Variants in ZNF749 observed in about 807,000 individuals in gnomAD.
The protein encoded by ZNF749 is zinc finger protein 749.
A neutral mutation model predicts 7.3 loss-of-function variants in ZNF749; 8 were observed. That is an observed-to-expected ratio of 1.10 (90% confidence interval 0.64 to 1.98). The LOEUF is 1.98. Ranked by LOEUF, ZNF749 falls within the 30% of genes most tolerant of loss-of-function variation. The pLI is 0.00. For missense variants in ZNF749, 898 were observed against 932.4 expected (o/e 0.96, Z 0.48); for synonymous variants, 310 against 322.4 (o/e 0.96, Z 0.41).
chr19:57,444,838 G>A lies in ZNF749; in HGVS notation c.1690G>A (p.Ala564Thr). 6.2e-7 allele frequency: 1 copy of A among 1,614,064 alleles called. No individual in the cohort carries two copies. Residue 564 changes from alanine to threonine, a missense_variant, in exon 3 of 3, where the codon GCC becomes ACC. Ala to Thr is a moderately conservative substitution (Grantham distance 58). Coordinates refer to ENST00000334181, the MANE Select transcript of ZNF749 (RefSeq NM_001023561.4). ...TTATGTGTGTAGTGAATGTGGGAAG[G>A]CCTTCCTTACACAGGCTCATCTAGA... Reference protein sequence around the residue: ...RPYVCSECGKAFLTQAHLDGH... With the variant: ...RPYVCSECGKTFLTQAHLDGH...
At chr19:57,438,712 A>T (rs1245635499) in intron 1 of ZNF749, among the ~76,000 whole-genome samples, 1 of 152,086 alleles carries the variant, frequency 6.6e-6, no homozygotes, top group Non-Finnish European at 1.5e-5. Context: ...AGGCATCCTG[A>T]TATAGGGAAA....
At chr19:57,443,250 C>T (rs112290305) in intron 2 of ZNF749, 41 bp from the exon 3 acceptor site, 20 of 1,529,708 alleles carry the variant, frequency 1.3e-5, no homozygotes, top group African/African-American at 4.1e-5. Context: ...CTCCTCCCTC[C>T]GGAGTTCACG....
At chr19:57,443,190 C>A in intron 2 of ZNF749, 101 bp from the exon 3 acceptor site, 1 of 1,024,548 alleles carries the variant, frequency 9.8e-7, no homozygotes. Context: ...GTGACCAGTC[C>A]TGTGCCCTCA....
Position 57,444,938 on chromosome 19 carries a change from A to G in ZNF749, c.1790A>G (p.Tyr597Cys). The change falls in exon 3 of 3, where the codon TAC becomes TGC. Residue 597 changes from tyrosine (Y) to cysteine (C), a missense_variant. Tyr to Cys is a radical substitution (Grantham distance 194, BLOSUM62 -2). Transcript: ENST00000334181. ...TGTGGGAAATTCTTTTTGGACAGCT[A>G]CAAACTTGTTATTCATCAGAGAATT... ...NECGKFFLDS[Y>C]KLVIHQRIHT... The G allele has an allele frequency of 6.2e-7, 1 of 1,613,688 alleles. No individual in the cohort carries two copies. Among genetic ancestry groups the G allele is most frequent in the Non-Finnish European group, 8.5e-7 (1 of 1,179,912 alleles).
rs909147939 is a variant in ZNF749 at position 57,436,708 on chromosome 19, C to T, written c.15+1115C>T. Reference sequence around the variant, plus strand: ...CATCCTCCACCACAGTTAAGGGCCTCCAGCAAGCTCCCTTTACTGCATTAT... The same window carrying T: ...CATCCTCCACCACAGTTAAGGGCCTTCAGCAAGCTCCCTTTACTGCATTAT... On this transcript the variant is annotated intron_variant, in intron 1 of 2. Transcript: ENST00000334181. This position sits in a 1 kb window ranked among gnomAD's most constrained non-coding sequence, Gnocchi z 4.0. Among the ~76,000 whole-genome samples, 2 of 152,194 alleles carry T rather than the reference C, an allele frequency of 1.3e-5. No individual in the cohort carries two copies. The highest frequency in any genetic ancestry group is 2.9e-5 in the Non-Finnish European group (2 of 68,034).
Position 57,439,497 on chromosome 19 carries a change from G to A in ZNF749, c.16-2388G>A, listed in dbSNP as rs2088967241. On this transcript the variant is annotated intron_variant, in intron 1 of 2. Transcript: ENST00000334181. This position sits in a 1 kb window ranked among gnomAD's most constrained non-coding sequence, Gnocchi z 4.3. ...AAGTCAAAAATGTTCCAGTGGCCAG[G>A]CATGGTGGATCACACCTGTAATCCC... 6.6e-6 allele frequency among the ~76,000 whole-genome samples: 1 copy of A among 152,164 alleles called. No individual in the cohort carries two copies. Among genetic ancestry groups the A allele is most frequent in the Non-Finnish European group, 1.5e-5 (1 of 68,038 alleles).
chr19:57,434,561 A>G (rs767284486), upstream of ZNF749, among the ~76,000 whole-genome samples: 48 of 151,890 alleles, frequency 3.2e-4, no homozygotes, highest in Non-Finnish European at 6.6e-4. Flanking sequence ...TACATTTTAC[A>G]TGTATTGATT....
rs1008208253 is a variant in ZNF749, at chr19:57,439,967, C to T, written c.16-1918C>T. On this transcript the variant is annotated intron_variant, in intron 1 of 2. Transcript: ENST00000334181. This position sits in a 1 kb window ranked among gnomAD's most constrained non-coding sequence, Gnocchi z 4.3. ...GTTAGTAGGAAGGAAGGAGAAGGAA[C>T]AGACTGAGGACTGGGTGTCTCCACT... Among the ~76,000 whole-genome samples, 1 of 152,066 alleles carries T rather than the reference C, an allele frequency of 6.6e-6. No individual in the cohort carries two copies. Among genetic ancestry groups the T allele is most frequent in the East Asian group, 1.9e-4 (1 of 5,172 alleles).
chr19:57,434,236 T>C (rs528778430), upstream of ZNF749, among the ~76,000 whole-genome samples: 10 of 152,334 alleles, frequency 6.6e-5, no homozygotes, highest in East Asian at 1.7e-3. Flanking sequence ...TAGCTGGCAT[T>C]ACAGGCATGT....
In ZNF749 at chr19:57,442,022, C is replaced by A. The variant is rs1328722963; in HGVS notation, c.142+11C>A. On this transcript the variant is annotated intron_variant, in intron 2 of 2. Coordinates refer to ENST00000334181, the MANE Select transcript of ZNF749 (RefSeq NM_001023561.4). The surrounding 1 kb of genome is among the most constrained non-coding windows in gnomAD (Gnocchi z 6.6). Reference sequence around the variant, plus strand: ...TTTTGTCATCAGTAGGTAAGGCCTTCATACCTACTCTGGTGTCTTGTGCTG... The same window carrying A: ...TTTTGTCATCAGTAGGTAAGGCCTTAATACCTACTCTGGTGTCTTGTGCTG... 6 of 1,613,030 alleles carry A rather than the reference C, an allele frequency of 3.7e-6. No individual in the cohort carries two copies. Among genetic ancestry groups the A allele is most frequent in the Non-Finnish European group, 5.1e-6 (6 of 1,179,542 alleles).
Position 57,444,710 on chromosome 19 carries a change from T to C in ZNF749, c.1562T>C (p.Val521Ala). Residue 521 changes from valine to alanine, a missense_variant, in exon 3 of 3, where the codon GTT (valine) becomes GCT (alanine). Val to Ala is a moderately conservative substitution (Grantham distance 64, BLOSUM62 0). Transcript: ENST00000334181. ...YECTQCAKAFVRKSHLVQHEK... is the reference protein window; with the variant it reads ...YECTQCAKAFARKSHLVQHEK... ...TGCACTCAATGTGCGAAGGCCTTTGTTAGAAAGTCCCACCTAGTTCAGCAT... is the reference window on the plus strand; with the variant it reads ...TGCACTCAATGTGCGAAGGCCTTTGCTAGAAAGTCCCACCTAGTTCAGCAT... 1 of 1,613,428 alleles carries C rather than the reference T, an allele frequency of 6.2e-7. No homozygotes were observed. Among genetic ancestry groups the C allele is most frequent in the South Asian group, 1.1e-5 (1 of 91,056 alleles).
Position 57,444,196 on chromosome 19 carries a change from G to T in ZNF749, c.1048G>T (p.Gly350Trp), listed in dbSNP as rs145614824. 10 of 1,614,026 alleles carry T rather than the reference G, an allele frequency of 6.2e-6. No homozygotes were observed. Among genetic ancestry groups the T allele is most frequent in the Non-Finnish European group, 8.5e-6 (10 of 1,180,044 alleles). Residue 350 changes from glycine to tryptophan, a missense_variant, in exon 3 of 3, where the codon GGG (glycine) becomes TGG (tryptophan). Coordinates refer to ENST00000334181, the MANE Select transcript of ZNF749 (RefSeq NM_001023561.4). ...CATCAGACATCAGAAAGTTCACACT[G>T]GGGAGAGGCGTTACGAGTGCAGTGA... ...KLIRHQKVHTGERRYECSECG... is the reference protein window; with the variant it reads ...KLIRHQKVHTWERRYECSECG...
rs1394869188 is a variant in ZNF749 at position 57,444,028 on chromosome 19, A to G, written c.880A>G (p.Arg294Gly). 1 of 1,613,878 alleles carries G rather than the reference A, an allele frequency of 6.2e-7. No homozygotes were observed. Among genetic ancestry groups the G allele is most frequent in the African/African-American group, 1.3e-5 (1 of 74,924 alleles). The change falls in exon 3 of 3, where the codon AGA (arginine) becomes GGA (glycine). Residue 294 changes from arginine (R) to glycine (G), a missense_variant. Arg to Gly is a moderately radical substitution (Grantham distance 125). Transcript: ENST00000334181. ...DPIEHQEILS[R>G]PTPYECTQCG... ...CATTGAACATCAGGAGATTCTCAGT[A>G]GACCAACACCTTATGAATGCACCCA... is the stretch of plus-strand genomic sequence containing the variant.
chr19:57,431,230 C>A (rs8104697), upstream of ZNF749, among the ~76,000 whole-genome samples: 141,370 of 152,136 alleles, frequency 0.93, 65,704 homozygotes, highest in Middle Eastern at 0.98. Flanking sequence ...TGTACAAATA[C>A]GATTCATTCC....
chr19:57,429,225 C>T, the ZNF749 span, among the ~76,000 whole-genome samples: 1 of 152,072 alleles, frequency 6.6e-6, no homozygotes, highest in Non-Finnish European at 1.5e-5. The surrounding 1 kb of genome is among the most constrained non-coding windows in gnomAD (Gnocchi z 4.2). Flanking sequence ...GGGGTTTTGC[C>T]ATATTGGCCG....
Position 57,439,030 on chromosome 19 carries a change from G to T in ZNF749, c.16-2855G>T, listed in dbSNP as rs2088962053. Among the ~76,000 whole-genome samples the T allele has an allele frequency of 1.3e-5, 2 of 152,172 alleles. No homozygotes were observed. The highest frequency in any genetic ancestry group is 4.8e-5 in the African/African-American group (2 of 41,424). On this transcript the variant is annotated intron_variant, in intron 1 of 2. Coordinates refer to ENST00000334181, the MANE Select transcript of ZNF749 (RefSeq NM_001023561.4). The surrounding 1 kb of genome is among the most constrained non-coding windows in gnomAD (Gnocchi z 4.3). ...GATCGGCATGGAATGGCAGTCTAAG[G>T]TTCTGGGCCTTTCATCTGAGGGCGA...
At chr19:57,440,375 G>C (rs894053459) in intron 1 of ZNF749, among the ~76,000 whole-genome samples, 1 of 151,932 alleles carries the variant, frequency 6.6e-6, no homozygotes, top group Admixed American at 6.6e-5. Flanking sequence ...CATTGCAAAA[G>C]GGGGAGACAG....
Position 57,442,529 on chromosome 19 carries a change from C to T in ZNF749, c.142+518C>T, listed in dbSNP as rs148637960. 1.8e-3 allele frequency among the ~76,000 whole-genome samples: 275 copies of T among 152,298 alleles called. No homozygotes were observed. Among genetic ancestry groups the T allele is most frequent in the African/African-American group, 4.3e-3 (178 of 41,550 alleles). ...GTGTACATGCTGTCCCCTCCCTTTC[C>T]CTGCCTTTCCCGTAGCTGGACTTAT... On this transcript the variant is annotated intron_variant, in intron 2 of 2. Transcript: ENST00000334181. The surrounding 1 kb of genome is among the most constrained non-coding windows in gnomAD (Gnocchi z 6.6).
intron 1 of ZNF749, among the ~76,000 whole-genome samples, chr19:57,441,513 G>A (rs1022235887): frequency 6.6e-6 from 1 of 152,152 alleles, no homozygotes; most frequent in African/African-American, 2.4e-5. Context: ...ACTAGATTTG[G>A]TTAGGAGGCA....
Sources: allele counts gnomAD v4.1 joint callset (sites outside exome capture counted in the v4.1 genomes callset), GRCh38; gene constraint gnomAD v4.1.1; non-coding constraint Gnocchi (gnomAD v3.1); transcripts MANE v1.5; gene names NCBI Gene and HGNC (gene_info 2026-07-23, HGNC 2026-07-21).